Variants in NRCAM observed in about 807,000 individuals in gnomAD.
NRCAM encodes NgCAM-related cell adhesion molecule.
NRCAM carries 83 observed loss-of-function variants against 156.5 expected under a neutral mutation model. The observed-to-expected ratio is 0.53, with a 90% CI of 0.44 to 0.64. NRCAM has a LOEUF of 0.64. NRCAM is among the 30% of genes least tolerant of loss of function. NRCAM has a pLI of 0.00. For missense variants in NRCAM, 1,417 were observed against 1,597.3 expected, an observed-to-expected ratio of 0.89 and a Z score of 1.92; for synonymous variants, 538 against 563.9, an observed-to-expected ratio of 0.95 and a Z score of 0.65.
In NRCAM at chr7:108,232,456, A is replaced by G. The variant is rs1230129953; in HGVS notation, c.297T>C (p.Pro99=). 6.2e-7 allele frequency: 1 copy of G among 1,613,694 alleles called. No individual in the cohort carries two copies. Among genetic ancestry groups the G allele is most frequent in the Non-Finnish European group, 8.5e-7 (1 of 1,179,752 alleles). The change falls in exon 7 of 33, where the codon CCT becomes CCC. Residue 99 remains proline, a synonymous_variant. Transcript: ENST00000379028. Reference sequence around the variant, plus strand: ...TGTTAATTATGAGCGTTCCTGTGCCAGGCTTCATGGTGACCAGAGGGTCTT... The same window carrying G: ...TGTTAATTATGAGCGTTCCTGTGCCGGGCTTCATGGTGACCAGAGGGTCTT... ...IDKDPLVTMK[P]GTGTLIINIM... is the part of the protein sequence containing the mutation.
chr7:108,194,819 G>GA (rs2153464318), intron 15 of NRCAM, among the ~76,000 whole-genome samples: 1 of 152,352 alleles, frequency 6.6e-6, no homozygotes, highest in African/African-American at 2.4e-5. Context: ...GATCAGTAAA[G>GA]AATGTTCCAG....
At chr7:108,455,338 G>A (rs1032189211) in intron 1 of NRCAM, among the ~76,000 whole-genome samples, 1 of 152,194 alleles carries the variant, frequency 6.6e-6, no homozygotes, top group African/African-American at 2.4e-5. Flanking sequence ...GATGGCGCTC[G>A]CTGCGAGATG....
intron 2 of NRCAM, among the ~76,000 whole-genome samples, chr7:108,356,045 T>G (rs1387600229): frequency 6.6e-6 from 1 of 151,346 alleles, no homozygotes; most frequent in Non-Finnish European, 1.5e-5. Flanking sequence ...GCCTCCCAGG[T>G]TCAAGCGATT....
chr7:108,429,295 G>A (rs930096140), intron 1 of NRCAM, among the ~76,000 whole-genome samples: 21 of 152,194 alleles, frequency 1.4e-4, no homozygotes, highest in Admixed American at 9.8e-4. Context: ...GAGTTCAAGT[G>A]ATTCTCCTGC....
intron 20 of NRCAM, 143 bp from the exon 21 acceptor site, chr7:108,184,757 A>T (rs2065662444): frequency 1.6e-6 from 1 of 643,716 alleles, no homozygotes; most frequent in Admixed American, 3.3e-5. Flanking sequence ...CCATTAAAAT[A>T]TTTTGATTTC....
intron 19 of NRCAM, among the ~76,000 whole-genome samples, chr7:108,190,288 T>A (rs917209228): frequency 5.3e-5 from 8 of 152,176 alleles, no homozygotes; most frequent in African/African-American, 1.9e-4. Context: ...CATAAGTGTG[T>A]TTACTCCCAG....
intron 32 of NRCAM, among the ~76,000 whole-genome samples, chr7:108,158,745 A>G (rs965753156): frequency 2.0e-5 from 3 of 152,212 alleles, no homozygotes; most frequent in African/African-American, 7.2e-5. Flanking sequence ...CATTTTATTT[A>G]AATAAATACG....
At chr7:108,232,644 G>C in intron 6 of NRCAM, 122 bp from the exon 7 acceptor site, 3 of 629,214 alleles carry the variant, frequency 4.8e-6, no homozygotes, top group South Asian at 2.4e-5. Flanking sequence ...TTCAGTAAGA[G>C]AGCAATAAGC....
At chr7:108,420,060 G>C (rs939462303) in intron 1 of NRCAM, among the ~76,000 whole-genome samples, 1 of 146,330 alleles carries the variant, frequency 6.8e-6, no homozygotes, top group Admixed American at 6.7e-5. Context: ...GTGTGTGTGT[G>C]TGTGTGTGTG....
intron 2 of NRCAM, among the ~76,000 whole-genome samples, chr7:108,372,899 C>T (rs1361755221): frequency 1.3e-5 from 2 of 152,124 alleles, no homozygotes; most frequent in African/African-American, 4.8e-5. Context: ...ATGTGCATTC[C>T]TGTGTTTCTT....
chr7:108,228,389 A>C (rs2093811291), intron 8 of NRCAM, among the ~76,000 whole-genome samples: 1 of 152,160 alleles, frequency 6.6e-6, no homozygotes, highest in African/African-American at 2.4e-5. Flanking sequence ...AGACAAAAAC[A>C]TTTCTTGTCC....
chr7:108,307,816 A>G (rs2098740176), intron 3 of NRCAM, among the ~76,000 whole-genome samples: 2 of 152,150 alleles, frequency 1.3e-5, no homozygotes, highest in South Asian at 2.1e-4. Context: ...AGTTCCCTAG[A>G]TAACCCTCCT....
intron 2 of NRCAM, among the ~76,000 whole-genome samples, chr7:108,368,490 A>G (rs974006837): frequency 1.3e-5 from 2 of 152,160 alleles, no homozygotes; most frequent in Admixed American, 1.3e-4. Flanking sequence ...GGAATAGATG[A>G]ACAGTGTGTA....
At chr7:108,291,754 A>G (rs1331242597) in intron 3 of NRCAM, among the ~76,000 whole-genome samples, 1 of 152,174 alleles carries the variant, frequency 6.6e-6, no homozygotes, top group Non-Finnish European at 1.5e-5. Flanking sequence ...ACACAATTTT[A>G]TTACTCCATA....
intron 13 of NRCAM, among the ~76,000 whole-genome samples, chr7:108,204,360 C>G (rs373942262): frequency 1.3e-5 from 2 of 152,230 alleles, no homozygotes; most frequent in African/African-American, 4.8e-5. Flanking sequence ...TCAGCAGAAG[C>G]TGCAGATGGG....
intron 3 of NRCAM, among the ~76,000 whole-genome samples, chr7:108,273,216 A>G (rs1055329636): frequency 6.6e-6 from 1 of 152,176 alleles, no homozygotes; most frequent in Admixed American, 6.5e-5. Context: ...AAAAGTGTAC[A>G]TGTGTCTTTA....
intron 2 of NRCAM, among the ~76,000 whole-genome samples, chr7:108,398,707 C>A (rs1225497661): frequency 6.6e-6 from 1 of 152,220 alleles, no homozygotes; most frequent in Non-Finnish European, 1.5e-5. Context: ...TTACACACAG[C>A]CCTCTGGCCC....
chr7:108,313,111 A>C (rs2098826466), intron 2 of NRCAM: 1 of 152,088 alleles, frequency 6.6e-6, no homozygotes, highest in African/African-American at 2.4e-5. Flanking sequence ...GTAGCATAGA[A>C]ATTTTTTAGG....
In NRCAM at chr7:108,168,381, A is replaced by T. The variant is rs1206783338; in HGVS notation, c.3209T>A (p.Ile1070Asn). 1.2e-6 allele frequency: 2 copies of T among 1,605,576 alleles called. No homozygotes were observed. The highest frequency in any genetic ancestry group is 4.5e-5 in the East Asian group (2 of 44,604). The change falls in exon 29 of 33, where the codon ATC (isoleucine) becomes AAC (asparagine). Residue 1070 changes from isoleucine (I) to asparagine (N), a missense_variant. This residue lies in a region of NRCAM where 1,238 missense variants were observed against 1,336.4 expected (regional missense o/e 0.93). Coordinates refer to ENST00000379028, the MANE Select transcript of NRCAM (RefSeq NM_001037132.4). ...AGKVQAVNPRISNLTAAAAET... is the reference protein window; with the variant it reads ...AGKVQAVNPRNSNLTAAAAET... ...AGCAGCTGCAGCAGTAAGATTGCTG[A>T]TCCTGGGATTTACTGCTTGAACTAA...
Sources: gnomAD v4.1 joint callset for allele counts (sites outside exome capture counted in the v4.1 genomes callset) on GRCh38, gnomAD v4.1.1 for gene constraint, gnomAD v4.1.1 regional missense constraint, MANE v1.5 for transcripts, NCBI Gene and HGNC (gene_info 2026-07-23, HGNC 2026-07-21) for gene names.